The following ZDHHC14 variants were observed in gnomAD, a reference collection of about 807,000 sequenced individuals.
ZDHHC14 encodes zDHHC palmitoyltransferase 14.
ZDHHC14 carries 16 observed loss-of-function variants against 47.7 expected under a neutral mutation model. The observed-to-expected ratio is 0.34, with a 90% CI of 0.23 to 0.51. The LOEUF is 0.51. Among genes scored for constraint, ZDHHC14 ranks in the 20% least tolerant of loss-of-function variants. The pLI is 0.97. For missense variants in ZDHHC14, 515 were observed against 662.5 expected (o/e 0.78, Z 2.44); for synonymous variants, 293 against 278.9 (o/e 1.05, Z -0.50).
intron 1 of ZDHHC14, among the ~76,000 whole-genome samples, chr6:157,457,712 G>T (rs996360313): frequency 5.3e-5 from 8 of 152,108 alleles, no homozygotes; most frequent in Admixed American, 2.6e-4. Flanking sequence ...GTCTCTTTGG[G>T]GTCTGACATG....
At chr6:157,422,892 G>A (rs1169234411) in intron 1 of ZDHHC14, among the ~76,000 whole-genome samples, 4 of 152,202 alleles carry the variant, frequency 2.6e-5, no homozygotes, top group African/African-American at 9.7e-5. Context: ...TTGGGTCAAG[G>A]AGCACAGATC....
intron 3 of ZDHHC14, among the ~76,000 whole-genome samples, chr6:157,594,571 G>A (rs867441957): frequency 1.3e-5 from 2 of 152,336 alleles, no homozygotes; most frequent in Middle Eastern, 3.4e-3. Flanking sequence ...TGTAGCAGAC[G>A]CTCTGTGATT....
At chr6:157,447,820 G>A (rs894851839) in intron 1 of ZDHHC14, among the ~76,000 whole-genome samples, 2 of 152,104 alleles carry the variant, frequency 1.3e-5, no homozygotes, top group African/African-American at 2.4e-5. Context: ...ACAAATGTTG[G>A]GGGCTTTTCA....
At chr6:157,447,515 G>C (rs1020711306) in intron 1 of ZDHHC14, among the ~76,000 whole-genome samples, 4 of 152,236 alleles carry the variant, frequency 2.6e-5, no homozygotes, top group Non-Finnish European at 5.9e-5. Context: ...TGTATGGAAG[G>C]AGGATGGGGC....
rs1456416575 is a variant in ZDHHC14, at chr6:157,676,824, A to G, written c.*3702A>G. On this transcript the variant is annotated 3_prime_UTR_variant, in exon 9 of 9. Coordinates refer to ENST00000359775, the MANE Select transcript of ZDHHC14 (RefSeq NM_024630.3). ...TCCCTTCAGACCTCAGCCTACAACC[A>G]TCCTCTTCATGCCAGGAACCAACTG... is the stretch of plus-strand genomic sequence containing the variant. 2.0e-5 allele frequency: 3 copies of G among 152,248 alleles called. No homozygotes were observed. Among genetic ancestry groups the G allele is most frequent in the Non-Finnish European group, 4.4e-5 (3 of 68,104 alleles). The allele number at this position is 152,248 out of a possible 1,614,324, so 9.4% of individuals were successfully genotyped here.
At chr6:157,421,557 C>T (rs1778106193) in intron 1 of ZDHHC14, among the ~76,000 whole-genome samples, 1 of 149,670 alleles carries the variant, frequency 6.7e-6, no homozygotes, top group Non-Finnish European at 1.5e-5. Context: ...CTTTGAGAGC[C>T]TTAATGGAAA....
intron 1 of ZDHHC14, among the ~76,000 whole-genome samples, chr6:157,439,224 C>T (rs1052118385): frequency 3.3e-5 from 5 of 152,124 alleles, no homozygotes; most frequent in Non-Finnish European, 5.9e-5. Flanking sequence ...ACTACAGTTG[C>T]AGAGTGCTAG....
chr6:157,533,281 A>T (rs1161695002), intron 1 of ZDHHC14, among the ~76,000 whole-genome samples: 1 of 152,202 alleles, frequency 6.6e-6, no homozygotes, highest in African/African-American at 2.4e-5. Flanking sequence ...GTGGGGTCAG[A>T]CAGTAAGCAA....
At chr6:157,558,938 C>A (rs1325465390) in intron 2 of ZDHHC14, among the ~76,000 whole-genome samples, 1 of 141,682 alleles carries the variant, frequency 7.1e-6, no homozygotes, top group Non-Finnish European at 1.6e-5. Flanking sequence ...GGGTGGATTT[C>A]CCCCCAGCTC....
chr6:157,536,304 A>G (rs1022325258), intron 1 of ZDHHC14, among the ~76,000 whole-genome samples: 6 of 152,240 alleles, frequency 3.9e-5, no homozygotes, highest in Admixed American at 3.9e-4. Context: ...TACGTACAGG[A>G]CAGACCAAAA....
chr6:157,564,921 C>T (rs1253335968), intron 2 of ZDHHC14, among the ~76,000 whole-genome samples: 1 of 152,160 alleles, frequency 6.6e-6, no homozygotes, highest in East Asian at 1.9e-4. Context: ...CTTCTGCATG[C>T]TGCTTTTGAT....
chr6:157,474,842 T>C (rs931063650), intron 1 of ZDHHC14, among the ~76,000 whole-genome samples: 1 of 152,198 alleles, frequency 6.6e-6, no homozygotes, highest in Non-Finnish European at 1.5e-5. Context: ...TATTCTCCCA[T>C]TCTGTAGGTT....
intron 1 of ZDHHC14, among the ~76,000 whole-genome samples, chr6:157,394,930 CTCT>C (rs1777491132): frequency 6.6e-6 from 1 of 151,744 alleles, no homozygotes; most frequent in Non-Finnish European, 1.5e-5. Context: ...TCAGAGTCAG[CTCT>C]TCCCACTCCC....
intron 2 of ZDHHC14, among the ~76,000 whole-genome samples, chr6:157,588,826 T>G (rs1447830511): frequency 6.6e-6 from 1 of 152,060 alleles, no homozygotes; most frequent in African/African-American, 2.4e-5. Flanking sequence ...ACCTGAAAGT[T>G]TCAATCACTG....
In ZDHHC14 at chr6:157,463,935, GA is replaced by G. The variant is rs1365483694; in HGVS notation, c.246-78648del. 4.6e-5 allele frequency among the ~76,000 whole-genome samples: 7 copies of G among 152,192 alleles called. No homozygotes were observed. In the East Asian group the frequency reaches 1.3e-3, roughly 29 times the overall value. ...AGCTACTCAGGAGGCTGAGGCATGA[GA>G]ATCACTTGAGTCCAGGAGGTGGAGG... On this transcript the variant is annotated intron_variant, in intron 1 of 8. Transcript: ENST00000359775. This position sits in a 1 kb window ranked among gnomAD's most constrained non-coding sequence, Gnocchi z 4.4.
At chr6:157,432,198 G>C (rs1298068824) in intron 1 of ZDHHC14, among the ~76,000 whole-genome samples, 1 of 152,140 alleles carries the variant, frequency 6.6e-6, no homozygotes, top group Non-Finnish European at 1.5e-5. Flanking sequence ...GCCGTTGGAG[G>C]CTTCATAGCT....
intron 1 of ZDHHC14, among the ~76,000 whole-genome samples, chr6:157,419,701 T>C (rs1474687046): frequency 6.6e-6 from 1 of 152,258 alleles, no homozygotes; most frequent in East Asian, 1.9e-4. Flanking sequence ...TTTGTTTTTC[T>C]ATACCTAACG....
intron 1 of ZDHHC14, among the ~76,000 whole-genome samples, chr6:157,514,745 C>G (rs909140195): frequency 6.6e-6 from 1 of 152,204 alleles, no homozygotes; most frequent in Admixed American, 6.5e-5. Context: ...CTGACCCAGC[C>G]TCTCTTCCCC....
At chr6:157,516,548 T>A (rs1283638715) in intron 1 of ZDHHC14, among the ~76,000 whole-genome samples, 1 of 152,214 alleles carries the variant, frequency 6.6e-6, no homozygotes, top group Non-Finnish European at 1.5e-5. Flanking sequence ...GAGTGAATTA[T>A]TCGTTGAATG....
Sources: gnomAD v4.1 joint callset for allele counts (sites outside exome capture counted in the v4.1 genomes callset) on GRCh38, gnomAD v4.1.1 for gene constraint, Gnocchi (gnomAD v3.1) non-coding constraint, MANE v1.5 for transcripts, NCBI Gene and HGNC (gene_info 2026-07-23, HGNC 2026-07-21) for gene names.